The following KIF16B variants were observed in gnomAD, a reference collection of about 807,000 sequenced individuals.
KIF16B encodes kinesin-like protein KIF16B.
Under a neutral mutation model 156.3 loss-of-function variants are expected in KIF16B, and 98 were observed. That is an observed-to-expected ratio of 0.63 (90% CI 0.53 to 0.74). The LOEUF (loss-of-function observed/expected upper bound fraction) is 0.74. Among genes scored for constraint, KIF16B ranks in the 30% least tolerant of loss-of-function variants. The pLI, the probability that KIF16B is intolerant of heterozygous loss-of-function variation, is 0.00. For missense variants in KIF16B, 1,421 were observed against 1,606.5 expected (o/e 0.88, Z 1.97); for synonymous variants, 564 against 583.7 (o/e 0.97, Z 0.49).
intron 12 of KIF16B, among the ~76,000 whole-genome samples, chr20:16,450,020 T>C: frequency 6.6e-6 from 1 of 152,242 alleles, no homozygotes. Context: ...TCAGAAAGCA[T>C]ATTATATAAA....
chr20:16,479,909 A>G (rs544188544), intron 12 of KIF16B, among the ~76,000 whole-genome samples: 57 of 152,310 alleles, frequency 3.7e-4, no homozygotes, highest in African/African-American at 1.3e-3. Context: ...TGTGCTCTGT[A>G]CATTCCATGT....
rs566720603 is a variant in KIF16B, at chr20:16,573,293, C to G, written c.-18G>C. ...GATGCCATCGCTCATCCCGAACCAG[C>G]CCGCGCGGGGTCCCACTAGCCCAGA... On this transcript the variant is annotated 5_prime_UTR_variant, in exon 1 of 26. Transcript: ENST00000354981. 1.9e-6 allele frequency: 3 copies of G among 1,609,254 alleles called. No homozygotes were observed. Among genetic ancestry groups the G allele is most frequent in the Admixed American group, 3.3e-5 (2 of 59,788 alleles).
chr20:16,394,947 C>G (rs1237152632), intron 17 of KIF16B, among the ~76,000 whole-genome samples: 2 of 151,778 alleles, frequency 1.3e-5, no homozygotes, highest in Non-Finnish European at 2.9e-5. Context: ...GGGAAAAGTG[C>G]ATTCCCCTTA....
intron 12 of KIF16B, among the ~76,000 whole-genome samples, chr20:16,450,528 C>A (rs1272369291): frequency 6.6e-6 from 1 of 152,186 alleles, no homozygotes; most frequent in East Asian, 1.9e-4. Flanking sequence ...GACATGCACA[C>A]ACCTCCCCAC....
At chr20:16,519,420 T>A (rs2069254418) in intron 3 of KIF16B, among the ~76,000 whole-genome samples, 4 of 152,194 alleles carry the variant, frequency 2.6e-5, no homozygotes, top group Admixed American at 2.6e-4. Flanking sequence ...AGCTCCTATT[T>A]TTCCCAGATG....
At chr20:16,319,766 T>G (rs1284097454) in intron 24 of KIF16B, among the ~76,000 whole-genome samples, 1 of 152,236 alleles carries the variant, frequency 6.6e-6, no homozygotes, top group Non-Finnish European at 1.5e-5. Flanking sequence ...GTTCTCACTG[T>G]GAAGTTGGAT....
At chr20:16,393,696 A>G in intron 17 of KIF16B, among the ~76,000 whole-genome samples, 1 of 152,252 alleles carries the variant, frequency 6.6e-6, no homozygotes, top group African/African-American at 2.4e-5. Context: ...AGTTGTACAA[A>G]CAGATATAAT....
chr20:16,568,302 A>T (rs1266589054), intron 1 of KIF16B, among the ~76,000 whole-genome samples: 7 of 150,170 alleles, frequency 4.7e-5, no homozygotes, highest in Admixed American at 2.6e-4. Context: ...CAAGCACATT[A>T]TACAACATAG....
intron 12 of KIF16B, among the ~76,000 whole-genome samples, chr20:16,441,567 C>G (rs2066801776): frequency 6.6e-6 from 1 of 152,068 alleles, no homozygotes; most frequent in Admixed American, 6.6e-5. Context: ...GTCAAAATAT[C>G]AAAAAAATAT....
chr20:16,467,313 C>G (rs527389486), intron 12 of KIF16B, among the ~76,000 whole-genome samples: 58 of 152,238 alleles, frequency 3.8e-4, no homozygotes, highest in African/African-American at 9.6e-5. Flanking sequence ...CACGCCTCAC[C>G]ACCACCTCAC....
chr20:16,283,701 T>C (rs2063181123), intron 25 of KIF16B, among the ~76,000 whole-genome samples: 1 of 152,174 alleles, frequency 6.6e-6, no homozygotes, highest in Non-Finnish European at 1.5e-5. Flanking sequence ...GCAACACCTA[T>C]TCATTAGCTC....
In KIF16B at chr20:16,491,087, A is replaced by G. The variant is rs1325329365; in HGVS notation, c.1302+3204T>C. ...AAAAGAAAATTCATCCTAACTGGGA[A>G]GTAGGGGAGAAGAGGAGTGATCGGG... On this transcript the variant is annotated intron_variant, in intron 12 of 25. Coordinates refer to ENST00000354981, the MANE Select transcript of KIF16B (RefSeq NM_024704.5). Among the ~76,000 whole-genome samples the G allele has an allele frequency of 2.0e-5, 3 of 152,180 alleles. No homozygotes were observed. In the East Asian group the frequency reaches 5.8e-4, roughly 29 times the overall value.
intron 19 of KIF16B, among the ~76,000 whole-genome samples, chr20:16,375,893 G>A (rs549417763): frequency 9.2e-5 from 14 of 152,248 alleles, no homozygotes; most frequent in South Asian, 2.1e-4. Flanking sequence ...TGGCCTTCCC[G>A]TGTGGCAGAT....
At chr20:16,468,004 G>A (rs191230464) in intron 12 of KIF16B, among the ~76,000 whole-genome samples, 65 of 152,100 alleles carry the variant, frequency 4.3e-4, no homozygotes, top group African/African-American at 1.5e-3. Context: ...TAACAAATAC[G>A]ATAAATATTA....
At chr20:16,438,722 T>C (rs2066714174) in intron 12 of KIF16B, among the ~76,000 whole-genome samples, 1 of 152,144 alleles carries the variant, frequency 6.6e-6, no homozygotes, top group Non-Finnish European at 1.5e-5. Flanking sequence ...AAGCAAGCTA[T>C]GATGAAAAGA....
Position 16,334,349 on chromosome 20 carries a change from A to G in KIF16B, c.3711+1577T>C, listed in dbSNP as rs1021182367. ...GCTGCTCTGTACATTTCATATGTAC[A>G]CAATACTTCTTTTAATTGTCAATAT... On this transcript the variant is annotated intron_variant, in intron 24 of 25. Transcript: ENST00000354981. 2.6e-5 allele frequency among the ~76,000 whole-genome samples: 4 copies of G among 152,256 alleles called. No homozygotes were observed. The South Asian group carries it at 6.2e-4, about 24-fold the overall frequency.
At chr20:16,352,806 T>A (rs927972077) in intron 23 of KIF16B, among the ~76,000 whole-genome samples, 5 of 151,886 alleles carry the variant, frequency 3.3e-5, no homozygotes, top group Non-Finnish European at 5.9e-5. Context: ...GTTGTCTCCC[T>A]CCTGGGGCCC....
At chr20:16,474,906 T>G (rs2067767205) in intron 12 of KIF16B, among the ~76,000 whole-genome samples, 1 of 152,238 alleles carries the variant, frequency 6.6e-6, no homozygotes, top group South Asian at 2.1e-4. Flanking sequence ...CTCTTATTAA[T>G]TAGCACCTGC....
intron 1 of KIF16B, among the ~76,000 whole-genome samples, chr20:16,540,066 C>T (rs987772147): frequency 1.3e-5 from 2 of 152,168 alleles, no homozygotes; most frequent in African/African-American, 4.8e-5. Flanking sequence ...AAAAACTATA[C>T]TTTTAAAAAT....
Sources: gnomAD v4.1 joint callset for allele counts (sites outside exome capture counted in the v4.1 genomes callset) on GRCh38, gnomAD v4.1.1 for gene constraint, MANE v1.5 for transcripts, NCBI Gene and HGNC (gene_info 2026-07-23, HGNC 2026-07-21) for gene names.